The following SNCB variants were observed in gnomAD, a reference collection of about 807,000 sequenced individuals.
SNCB encodes the protein synuclein beta, also known as beta-synuclein.
SNCB carries 8 observed loss-of-function variants against 20.0 expected under a neutral mutation model. The ratio of observed to expected loss-of-function variants is 0.40; its 90% CI spans 0.24 to 0.72. SNCB has a LOEUF of 0.72. Ranked by LOEUF, SNCB falls within the 30% of genes least tolerant of loss-of-function variation. The pLI, the probability that SNCB is intolerant of heterozygous loss-of-function variation, is 0.37. For synonymous variants in SNCB, 56 were observed against 65.4 expected (o/e 0.86, Z 0.69); for missense variants, 125 against 168.0 (o/e 0.74, Z 1.41).
rs546136979 is a variant in SNCB, at chr5:176,629,798, C to G, written c.-9-135G>C. 4.7e-5 allele frequency: 57 copies of G among 1,208,758 alleles called. No individual in the cohort carries two copies. The highest frequency in any genetic ancestry group is 6.2e-5 in the Non-Finnish European group (55 of 885,572). The allele number at this position is 1,208,758 out of a possible 1,614,324, so 74.9% of individuals were successfully genotyped here. A position where few individuals can be genotyped will look rare whatever the true frequency, so the allele number is the denominator to read the frequency against. On this transcript the variant is annotated intron_variant, in intron 1 of 5. Coordinates refer to ENST00000393693, the MANE Select transcript of SNCB (RefSeq NM_003085.5). This position sits in a 1 kb window ranked among gnomAD's most constrained non-coding sequence, Gnocchi z 4.1. ...GACCCTGAGCCCCCTCCCGCTTTCC[C>G]CCCATCCCACCCCACTCCCCAGTGC... is the stretch of plus-strand genomic sequence containing the variant.
At position 176,626,340 on chromosome 5, in the gene SNCB, GT is replaced by G; in HGVS notation, c.282+57del. The G allele has an allele frequency of 2.6e-6, 1 of 388,302 alleles. No individual in the cohort carries two copies. The highest frequency in any genetic ancestry group is 4.4e-6 in the Non-Finnish European group (1 of 225,218). The allele number at this position is 388,302 out of a possible 1,614,324, so 24.1% of individuals were successfully genotyped here. ...ACAGGTTTATTTGTGTGCCTGGTGT[GT>G]GTGTGTGTGTGTGTGTGTGTGTTTG... On this transcript the variant is annotated intron_variant, in intron 4 of 5. Transcript: ENST00000393693. The surrounding 1 kb of genome is among the most constrained non-coding windows in gnomAD (Gnocchi z 4.2).
Position 176,626,647 on chromosome 5 carries a change from C to A in SNCB, c.163+73G>T, listed in dbSNP as rs1165468231. 1 of 1,578,372 alleles carries A rather than the reference C, an allele frequency of 6.3e-7. No individual in the cohort carries two copies. The highest frequency in any genetic ancestry group is 8.7e-7 in the Non-Finnish European group (1 of 1,147,506). ...CAGAAGCCTTGGGAGTCTCCCCCGC[C>A]CCCGCCCTCTGGTTCCCGGCCAGAT... On this transcript the variant is annotated intron_variant, in intron 3 of 5. Coordinates refer to ENST00000393693, the MANE Select transcript of SNCB (RefSeq NM_003085.5). This position sits in a 1 kb window ranked among gnomAD's most constrained non-coding sequence, Gnocchi z 4.2.
Position 176,620,953 on chromosome 5 carries a change from A to G in SNCB, c.373-110T>C, listed in dbSNP as rs1444345207. 5 of 974,116 alleles carry G rather than the reference A, an allele frequency of 5.1e-6. No homozygotes were observed. Among genetic ancestry groups the G allele is most frequent in the South Asian group, 1.3e-5 (1 of 76,456 alleles). The allele number at this position is 974,116 out of a possible 1,614,324, so 60.3% of individuals were successfully genotyped here. The stretch of plus-strand genomic sequence containing the variant: ...ACCCTCTCCCTGAAGGAGGAATAGC[A>G]CATTCCCCTTTTCCTGGGCAGGGGA... On this transcript the variant is annotated intron_variant, in intron 5 of 5. Transcript: ENST00000393693. The surrounding 1 kb of genome is among the most constrained non-coding windows in gnomAD (Gnocchi z 4.5).
chr5:176,622,274 TG>T (rs1759649801), intron 4 of SNCB, among the ~76,000 whole-genome samples: 1 of 152,206 alleles, frequency 6.6e-6, no homozygotes. Context: ...AATGTTAGTT[TG>T]CCCCCAAGTC....
intron 4 of SNCB, among the ~76,000 whole-genome samples, chr5:176,623,603 G>T (rs1759750906): frequency 6.6e-6 from 1 of 152,186 alleles, no homozygotes; most frequent in Non-Finnish European, 1.5e-5. Flanking sequence ...TCACAAGGTG[G>T]GGTCCTGGGG....
At chr5:176,622,514 A>AAACAAAACAAAACAG (rs1759665385) in intron 4 of SNCB, among the ~76,000 whole-genome samples, 1 of 151,912 alleles carries the variant, frequency 6.6e-6, no homozygotes, top group African/African-American at 2.4e-5. Context: ...AAACAAAACA[A>AAACAAAACAAAACAG]AACAAAACAA....
chr5:176,625,899 C>T (rs34014360), intron 4 of SNCB, among the ~76,000 whole-genome samples: 29,716 of 152,042 alleles, frequency 0.2, 3,043 homozygotes, highest in East Asian at 0.32. Context: ...GCCTGTCTGT[C>T]CCATCGCCCT....
intron 4 of SNCB, among the ~76,000 whole-genome samples, chr5:176,625,791 C>G (rs987452520): frequency 2.0e-5 from 3 of 152,198 alleles, no homozygotes; most frequent in Non-Finnish European, 4.4e-5. Flanking sequence ...ATTCGCTTCC[C>G]ACACATCTCA....
Position 176,629,739 on chromosome 5 carries a change from GC to G in SNCB, c.-9-77del. ...CCAGCCCCTCCCGCGGGACGCAGAT[GC>G]CCCCCTACTCCCGAGACCGCGGCGC... On this transcript the variant is annotated intron_variant, in intron 1 of 5. Transcript: ENST00000393693. The surrounding 1 kb of genome is among the most constrained non-coding windows in gnomAD (Gnocchi z 4.1). The G allele has an allele frequency of 2.6e-6, 4 of 1,545,738 alleles. No individual in the cohort carries two copies. Among genetic ancestry groups the G allele is most frequent in the African/African-American group, 2.7e-5 (2 of 73,926 alleles).
At chr5:176,625,318 C>G (rs1237284114) in intron 4 of SNCB, among the ~76,000 whole-genome samples, 1 of 152,192 alleles carries the variant, frequency 6.6e-6, no homozygotes, top group African/African-American at 2.4e-5. Flanking sequence ...AATGCAAATC[C>G]TCCAGCCCCA....
In SNCB at chr5:176,621,978, T is replaced by C. The variant is rs1048384017; in HGVS notation, c.283-675A>G. Among the ~76,000 whole-genome samples the C allele has an allele frequency of 1.3e-5, 2 of 152,238 alleles. No individual in the cohort carries two copies. The highest frequency in any genetic ancestry group is 6.5e-5 in the Admixed American group (1 of 15,290). On this transcript the variant is annotated intron_variant, in intron 4 of 5. Transcript: ENST00000393693. The surrounding 1 kb of genome is among the most constrained non-coding windows in gnomAD (Gnocchi z 4.1). ...ACATGTATGTGAACAAACATGGGAC[T>C]GAGCTGGCTGCACACACAAGCACAC...
chr5:176,620,990 G>A lies in SNCB; in HGVS notation c.373-147C>T. 1.2e-6 allele frequency: 1 copy of A among 823,262 alleles called. No homozygotes were observed. Among genetic ancestry groups the A allele is most frequent in the African/African-American group, 1.7e-5 (1 of 59,292 alleles). The allele number at this position is 823,262 out of a possible 1,614,324, so 51.0% of individuals were successfully genotyped here. On this transcript the variant is annotated intron_variant, in intron 5 of 5. Transcript: ENST00000393693. This position sits in a 1 kb window ranked among gnomAD's most constrained non-coding sequence, Gnocchi z 4.5. ...TCCTGGGCAGGGGAGGAGCCTGGAA[G>A]TTGGGGACAACAGAGAATTCTTGGG...
rs546936831 is a variant in SNCB, at chr5:176,626,440, G to A, written c.240C>T (p.Ala80=). ...VFSGAGNIAA[A]TGLVKREEFP... ...ATTCCTCCCTCTTCACCAGTCCTGT[G>A]GCTGCTGCGATGTTCCCTGCCCCAG... The change falls in exon 4 of 6, where the codon GCC becomes GCT. Residue 80 remains alanine (A), a synonymous_variant. Coordinates refer to ENST00000393693, the MANE Select transcript of SNCB (RefSeq NM_003085.5). This position sits in a 1 kb window ranked among gnomAD's most constrained non-coding sequence, Gnocchi z 4.2. The A allele has an allele frequency of 1.9e-6, 3 of 1,614,000 alleles. No homozygotes were observed. The highest frequency in any genetic ancestry group is 4.5e-5 in the East Asian group (2 of 44,886).
At chr5:176,623,767 G>T (rs909527248) in intron 4 of SNCB, among the ~76,000 whole-genome samples, 2 of 152,076 alleles carry the variant, frequency 1.3e-5, no homozygotes, top group Non-Finnish European at 2.9e-5. Context: ...ATACTTGGAG[G>T]GCTGAGGCAG....
rs5873543 is a variant in SNCB, at chr5:176,626,335, GGT to G, written c.282+61_282+62del. The stretch of plus-strand genomic sequence containing the variant: ...TGGTGACAGGTTTATTTGTGTGCCT[GGT>G]GTGTGTGTGTGTGTGTGTGTGTGTG... On this transcript the variant is annotated intron_variant, in intron 4 of 5. Coordinates refer to ENST00000393693, the MANE Select transcript of SNCB (RefSeq NM_003085.5). This position sits in a 1 kb window ranked among gnomAD's most constrained non-coding sequence, Gnocchi z 4.2. 0.43 allele frequency: 372,369 copies of G among 856,966 alleles called. 32,331 individuals carry two copies. The highest frequency in any genetic ancestry group is 0.58 in the East Asian group (22,664 of 39,126). The allele number at this position is 856,966 out of a possible 1,614,324, so 53.1% of individuals were successfully genotyped here. A position where few individuals can be genotyped will look rare whatever the true frequency, so the allele number is the denominator to read the frequency against.
chr5:176,620,954 C>T lies in SNCB; in HGVS notation c.373-111G>A, dbSNP rs76368019. ...CCCTCTCCCTGAAGGAGGAATAGCA[C>T]ATTCCCCTTTTCCTGGGCAGGGGAG... On this transcript the variant is annotated intron_variant, in intron 5 of 5. Transcript: ENST00000393693. The surrounding 1 kb of genome is among the most constrained non-coding windows in gnomAD (Gnocchi z 4.5). The T allele has an allele frequency of 5.0e-3, 4,838 of 973,340 alleles. 140 individuals carry two copies. The African/African-American group carries it at 0.063, about 13-fold the overall frequency. 60.3% of individuals were successfully genotyped at this position (973,340 alleles called of 1,614,324 possible).
rs930604678 is a variant in SNCB at position 176,620,680 on chromosome 5, G to A, written c.*131C>T. On this transcript the variant is annotated 3_prime_UTR_variant, in exon 6 of 6. Coordinates refer to ENST00000393693, the MANE Select transcript of SNCB (RefSeq NM_003085.5). This position sits in a 1 kb window ranked among gnomAD's most constrained non-coding sequence, Gnocchi z 4.5. ...ATGGACAGACACTAACACAGGCTCC[G>A]AGGGGGTTGCCTCAGAGCGGAAGGA... is the stretch of plus-strand genomic sequence containing the variant. 3.9e-6 allele frequency: 3 copies of A among 770,238 alleles called. No individual in the cohort carries two copies. Among genetic ancestry groups the A allele is most frequent in the Middle Eastern group, 3.5e-4 (1 of 2,890 alleles). 47.7% of individuals were successfully genotyped at this position (770,238 alleles called of 1,614,324 possible). A position where few individuals can be genotyped will look rare whatever the true frequency, so the allele number is the denominator to read the frequency against.
At chr5:176,625,218 A>G (rs764485100) in intron 4 of SNCB, among the ~76,000 whole-genome samples, 2 of 152,166 alleles carry the variant, frequency 1.3e-5, no homozygotes, top group Non-Finnish European at 2.9e-5. Context: ...CAGGGCATTC[A>G]CTGTATGCAA....
chr5:176,620,640 G>A lies in SNCB; in HGVS notation c.*171C>T, dbSNP rs940517246. On this transcript the variant is annotated 3_prime_UTR_variant, in exon 6 of 6. Coordinates refer to ENST00000393693, the MANE Select transcript of SNCB (RefSeq NM_003085.5). This position sits in a 1 kb window ranked among gnomAD's most constrained non-coding sequence, Gnocchi z 4.5. ...CCATGCCCCGGGGTTGGACGCGGGC[G>A]GGTAGGACAGACAGATGGACAGACA... The A allele has an allele frequency of 7.7e-6, 5 of 653,582 alleles. No homozygotes were observed. Among genetic ancestry groups the A allele is most frequent in the African/African-American group, 5.4e-5 (3 of 55,940 alleles). The allele number at this position is 653,582 out of a possible 1,614,324, so 40.5% of individuals were successfully genotyped here.
Sources: gnomAD v4.1 joint callset for allele counts (sites outside exome capture counted in the v4.1 genomes callset) on GRCh38, gnomAD v4.1.1 for gene constraint, Gnocchi (gnomAD v3.1) non-coding constraint, MANE v1.5 for transcripts, NCBI Gene and HGNC (gene_info 2026-07-23, HGNC 2026-07-21) for gene names.